Variants in MAP3K2 observed in about 807,000 individuals in gnomAD.
The protein encoded by MAP3K2 is MAP/ERK kinase kinase 2.
Under a neutral mutation model 80.3 loss-of-function variants are expected in MAP3K2, and 24 were observed. The ratio of observed to expected loss-of-function variants is 0.30; its 90% CI spans 0.22 to 0.42. The LOEUF (loss-of-function observed/expected upper bound fraction) is 0.42. Ranked by LOEUF, MAP3K2 falls within the 10% of genes least tolerant of loss-of-function variation. MAP3K2 has a pLI of 1.00. For missense variants in MAP3K2, 608 were observed against 750.1 expected (o/e 0.81, Z 2.21); for synonymous variants, 244 against 253.7 (o/e 0.96, Z 0.36).
intron 1 of MAP3K2, among the ~76,000 whole-genome samples, chr2:127,383,866 A>G (rs1687295442): frequency 7.8e-6 from 1 of 127,990 alleles, no homozygotes; most frequent in Admixed American, 9.4e-5. Flanking sequence ...TTTTTTTGGC[A>G]ACAAATAATT....
intron 1 of MAP3K2, among the ~76,000 whole-genome samples, chr2:127,352,712 C>T (rs537948101): frequency 6.6e-6 from 1 of 152,008 alleles, no homozygotes; most frequent in Non-Finnish European, 1.5e-5. Context: ...CCCTCCCTCC[C>T]TCTCCCTCTC....
intron 12 of MAP3K2, among the ~76,000 whole-genome samples, chr2:127,319,597 G>A (rs1444253642): frequency 2.3e-5 from 3 of 130,706 alleles, no homozygotes; most frequent in Non-Finnish European, 4.6e-5. Flanking sequence ...CTGAGGTCAG[G>A]AGTTCAAGAC....
At chr2:127,358,678 A>C (rs1334718874) in intron 1 of MAP3K2, among the ~76,000 whole-genome samples, 1 of 152,218 alleles carries the variant, frequency 6.6e-6, no homozygotes, top group Non-Finnish European at 1.5e-5. Context: ...GACACCTGTA[A>C]TCTCAGCATT....
chr2:127,359,183 C>G (rs1235738121), intron 1 of MAP3K2, among the ~76,000 whole-genome samples: 1 of 152,126 alleles, frequency 6.6e-6, no homozygotes, highest in East Asian at 1.9e-4. Context: ...AGAGTTAATT[C>G]TAATGTAAAT....
At chr2:127,324,649 T>C (rs909533921) in intron 9 of MAP3K2, among the ~76,000 whole-genome samples, 23 of 152,184 alleles carry the variant, frequency 1.5e-4, no homozygotes, top group Non-Finnish European at 2.6e-4. Flanking sequence ...CTCAAATATA[T>C]AGCTTTCTCG....
At chr2:127,335,727 T>A in intron 5 of MAP3K2, 143 bp downstream of exon 5, 1 of 493,038 alleles carries the variant, frequency 2.0e-6, no homozygotes, top group Non-Finnish European at 3.6e-6. Context: ...TTTTAGTCAG[T>A]TAAAATTTAC....
intron 1 of MAP3K2, among the ~76,000 whole-genome samples, chr2:127,350,893 AAATT>A (rs757214750): frequency 4.6e-5 from 7 of 152,172 alleles, no homozygotes; most frequent in African/African-American, 7.2e-5. Context: ...CAATTTTTAA[AAATT>A]AAAAAAAAGT....
At chr2:127,336,110 A>T (rs2104839961) in intron 4 of MAP3K2, 141 bp from the exon 5 acceptor site, 1 of 517,226 alleles carries the variant, frequency 1.9e-6, no homozygotes, top group African/African-American at 1.9e-5. Flanking sequence ...ACAACAGCAC[A>T]TTTTTTAACA....
At chr2:127,308,347 T>G (rs1302227073) in intron 16 of MAP3K2, among the ~76,000 whole-genome samples, 1 of 152,264 alleles carries the variant, frequency 6.6e-6, no homozygotes, top group Non-Finnish European at 1.5e-5. Flanking sequence ...TTTTTAATGC[T>G]GAGGTTTGCT....
At position 127,329,926 on chromosome 2, in the gene MAP3K2, A is replaced by C; in HGVS notation, c.461T>G (p.Ile154Arg). Residue 154 changes from isoleucine (I) to arginine (R), a missense_variant, in exon 7 of 17, where the codon ATA becomes AGA. Physicochemically the swap from Ile to Arg is moderately conservative, Grantham distance 97 (BLOSUM62 -3). Coordinates refer to ENST00000682094, the MANE Select transcript of MAP3K2 (RefSeq NM_001371910.2). Reference sequence around the variant, plus strand: ...TTCAGACACTAGTTTCTTACCTATTATAGATAGCCGTTTTTTCCTCTCTGC... The same window carrying C: ...TTCAGACACTAGTTTCTTACCTATTCTAGATAGCCGTTTTTTCCTCTCTGC... ...FGAERKKRLSIIGPTSRDRSS... is the reference protein window; with the variant it reads ...FGAERKKRLSRIGPTSRDRSS... 1 of 1,575,972 alleles carries C rather than the reference A, an allele frequency of 6.3e-7. No homozygotes were observed. Among genetic ancestry groups the C allele is most frequent in the Non-Finnish European group, 8.7e-7 (1 of 1,146,458 alleles).
intron 5 of MAP3K2, among the ~76,000 whole-genome samples, chr2:127,331,876 G>A (rs1032463911): frequency 1.3e-5 from 2 of 152,214 alleles, no homozygotes; most frequent in Non-Finnish European, 2.9e-5. Context: ...AAAGTGCTGG[G>A]ATTACAGGCG....
chr2:127,350,931 G>A (rs1442616469), intron 1 of MAP3K2, among the ~76,000 whole-genome samples: 1 of 152,046 alleles, frequency 6.6e-6, no homozygotes, highest in Admixed American at 6.6e-5. Context: ...GTAACACTGA[G>A]AAGAATACCA....
At chr2:127,334,174 C>G (rs1324908940) in intron 5 of MAP3K2, among the ~76,000 whole-genome samples, 1 of 151,682 alleles carries the variant, frequency 6.6e-6, no homozygotes, top group Non-Finnish European at 1.5e-5. Context: ...AATTACATAG[C>G]AAACTGGGAG....
At chr2:127,368,040 G>A (rs1193293342) in intron 1 of MAP3K2, among the ~76,000 whole-genome samples, 2 of 152,056 alleles carry the variant, frequency 1.3e-5, no homozygotes, top group African/African-American at 2.4e-5. Context: ...GGCAAGTATC[G>A]GCTGGGCATG....
intron 12 of MAP3K2, among the ~76,000 whole-genome samples, chr2:127,318,983 G>A (rs186208688): frequency 6.6e-6 from 1 of 152,218 alleles, no homozygotes; most frequent in African/African-American, 2.4e-5. Context: ...ACACAGGTGA[G>A]CTCACACCTG....
chr2:127,388,188 C>G, upstream of MAP3K2: 2 of 890,806 alleles, frequency 2.2e-6, no homozygotes, highest in Non-Finnish European at 2.7e-6. Context: ...GGCCTCGGCC[C>G]CGCCCCCGCC....
At position 127,387,865 on chromosome 2, in the gene MAP3K2, C is replaced by T. The variant is rs192388098; in HGVS notation, c.-479G>A. On this transcript the variant is annotated 5_prime_UTR_variant, in exon 1 of 17. Transcript: ENST00000682094. ...GCGTCCTGGTCGTTGTTTTCGTCGCCGCCGCGGGCCGTGCAACCCCCGAAC... is the reference window on the plus strand; with the variant it reads ...GCGTCCTGGTCGTTGTTTTCGTCGCTGCCGCGGGCCGTGCAACCCCCGAAC... 1.3e-3 allele frequency: 1,292 copies of T among 982,028 alleles called. 15 individuals are homozygous for T. The African/African-American group carries it at 0.021, about 16-fold the overall frequency. 60.8% of individuals were successfully genotyped at this position (982,028 alleles called of 1,614,324 possible).
upstream of MAP3K2, chr2:127,388,217 G>C (rs1687417496): frequency 1.0e-6 from 1 of 982,216 alleles, no homozygotes; most frequent in African/African-American, 1.8e-5. Flanking sequence ...GGGGCAGCCT[G>C]TGCTGTTCCG....
intron 1 of MAP3K2, among the ~76,000 whole-genome samples, chr2:127,347,274 C>T (rs139856054): frequency 4.7e-4 from 71 of 152,090 alleles, no homozygotes; most frequent in African/African-American, 1.6e-3. Context: ...AAACGGAATC[C>T]AGACTGGATA....
Sources: gnomAD v4.1 joint callset for allele counts (sites outside exome capture counted in the v4.1 genomes callset) on GRCh38, gnomAD v4.1.1 for gene constraint, MANE v1.5 for transcripts, NCBI Gene and HGNC (gene_info 2026-07-23, HGNC 2026-07-21) for gene names.